Variants in NRROS observed in about 807,000 individuals in gnomAD.
NRROS encodes transforming growth factor beta activator LRRC33.
A neutral mutation model predicts 12.0 loss-of-function variants in NRROS; 6 were observed. The observed-to-expected ratio is 0.50, with a 90% CI of 0.27 to 0.98. The LOEUF (loss-of-function observed/expected upper bound fraction) is 0.98. Among genes scored for constraint, NRROS ranks in the 50% least tolerant of loss-of-function variants. The pLI is 0.11. For missense variants in NRROS, 857 were observed against 888.2 expected (o/e 0.96, Z 0.45); for synonymous variants, 462 against 410.2 (o/e 1.13, Z -1.53).
intron 1 of NRROS, among the ~76,000 whole-genome samples, chr3:196,646,650 C>T (rs1178149773): frequency 2.0e-5 from 3 of 152,202 alleles, no homozygotes; most frequent in Non-Finnish European, 4.4e-5. Flanking sequence ...AAAGCGGGCT[C>T]CTCACACTGG....
rs1737680012 is a variant in NRROS at position 196,661,512 on chromosome 3, C to T, written c.1869C>T (p.Leu623=). The change falls in exon 3 of 3, where the codon CTC becomes CTT. Residue 623 remains leucine (L), a synonymous_variant. Transcript: ENST00000328557. ...VADWAMVTCN[L]SSKIIRVTEL... is the part of the protein sequence containing the mutation. ...ACTGGGCCATGGTCACCTGCAACCTCTCCTCCAAGATCATCCGCGTGACGG... is the reference window on the plus strand; with the variant it reads ...ACTGGGCCATGGTCACCTGCAACCTTTCCTCCAAGATCATCCGCGTGACGG... 2 of 1,612,738 alleles carry T rather than the reference C, an allele frequency of 1.2e-6. No homozygotes were observed. The highest frequency in any genetic ancestry group is 1.7e-6 in the Non-Finnish European group (2 of 1,178,986).
chr3:196,646,165 G>C (rs1737307418), intron 1 of NRROS, among the ~76,000 whole-genome samples: 1 of 152,176 alleles, frequency 6.6e-6, no homozygotes, highest in Non-Finnish European at 1.5e-5. Context: ...GTCCTCCGTG[G>C]TCACCACCAG....
At chr3:196,646,857 T>C (rs923366893) in intron 1 of NRROS, among the ~76,000 whole-genome samples, 1 of 152,202 alleles carries the variant, frequency 6.6e-6, no homozygotes, top group Non-Finnish European at 1.5e-5. Flanking sequence ...CTGGGAACCA[T>C]GGCACTGCCT....
intron 1 of NRROS, among the ~76,000 whole-genome samples, chr3:196,652,051 G>C (rs1737439348): frequency 6.6e-6 from 1 of 152,204 alleles, no homozygotes; most frequent in Admixed American, 6.5e-5. Flanking sequence ...ACTGAGGAGG[G>C]CAGGGAAGGG....
intron 2 of NRROS, among the ~76,000 whole-genome samples, chr3:196,656,605 A>G (rs1737541731): frequency 6.6e-6 from 1 of 152,246 alleles, no homozygotes; most frequent in South Asian, 2.1e-4. Flanking sequence ...CACTCATATT[A>G]TTATTAATCT....
intron 1 of NRROS, among the ~76,000 whole-genome samples, chr3:196,652,225 A>C (rs1156722876): frequency 6.6e-6 from 1 of 152,158 alleles, no homozygotes; most frequent in Non-Finnish European, 1.5e-5. Flanking sequence ...CACATTACTC[A>C]GGCCTTTATT....
chr3:196,640,511 A>C (rs1737186321), intron 1 of NRROS, among the ~76,000 whole-genome samples: 1 of 152,126 alleles, frequency 6.6e-6, no homozygotes, highest in Non-Finnish European at 1.5e-5. Context: ...TGGGAGATTC[A>C]CTGGGGCTCT....
chr3:196,641,523 A>G (rs966773939), intron 1 of NRROS, among the ~76,000 whole-genome samples: 2 of 152,174 alleles, frequency 1.3e-5, no homozygotes, highest in Non-Finnish European at 2.9e-5. Flanking sequence ...CTTTCATGTA[A>G]TGAGTGCCCT....
chr3:196,644,747 T>C (rs1418001318), intron 1 of NRROS, among the ~76,000 whole-genome samples: 1 of 133,734 alleles, frequency 7.5e-6, no homozygotes, highest in Admixed American at 8.4e-5. Flanking sequence ...CACTCCAGTC[T>C]GGCGACAGAG....
chr3:196,660,049 A>G lies in NRROS; in HGVS notation c.406A>G (p.Arg136Gly). The G allele has an allele frequency of 1.2e-6, 2 of 1,613,338 alleles. No homozygotes were observed. Among genetic ancestry groups the G allele is most frequent in the Non-Finnish European group, 1.7e-6 (2 of 1,179,960 alleles). Residue 136 changes from arginine (R) to glycine (G), a missense_variant, in exon 3 of 3, where the codon AGG becomes GGG. Physicochemically the swap from Arg to Gly is moderately radical, Grantham distance 125. Coordinates refer to ENST00000328557, the MANE Select transcript of NRROS (RefSeq NM_198565.3). The surrounding 1 kb of genome is among the most constrained non-coding windows in gnomAD (Gnocchi z 7.7). ...AALHALPGLR[R>G]LDLSGNALTE... ...CCTCCACGCCCTGCCGGGCCTGCGG[A>G]GGCTGGACTTGTCAGGAAACGCCCT...
intron 1 of NRROS, among the ~76,000 whole-genome samples, chr3:196,652,636 A>G (rs1737450789): frequency 6.6e-6 from 1 of 152,138 alleles, no homozygotes; most frequent in Non-Finnish European, 1.5e-5. Flanking sequence ...GAAGGAGAGG[A>G]TATGTTTTAA....
At chr3:196,658,799 T>G (rs1225517919) in intron 2 of NRROS, among the ~76,000 whole-genome samples, 1 of 152,068 alleles carries the variant, frequency 6.6e-6, no homozygotes, top group Admixed American at 6.6e-5. Flanking sequence ...AAACCCCGTC[T>G]CTACTAAAAA....
intron 1 of NRROS, among the ~76,000 whole-genome samples, chr3:196,650,460 TAG>T (rs1484715093): frequency 6.6e-6 from 1 of 152,012 alleles, no homozygotes; most frequent in African/African-American, 2.4e-5. Flanking sequence ...GTATTTTTTT[TAG>T]AGAGGCAGGG....
At chr3:196,644,902 A>G (rs767081591) in intron 1 of NRROS, among the ~76,000 whole-genome samples, 1 of 152,012 alleles carries the variant, frequency 6.6e-6, no homozygotes, top group Non-Finnish European at 1.5e-5. Flanking sequence ...GTAGTGTGCT[A>G]CAATCCCATC....
At chr3:196,643,073 CAAAAA>C (rs10719005) in intron 1 of NRROS, among the ~76,000 whole-genome samples, 27 of 129,412 alleles carry the variant, frequency 2.1e-4, no homozygotes, top group African/African-American at 5.9e-4. Flanking sequence ...AATTCTGTCT[CAAAAA>C]AAAAAAAAAA....
chr3:196,657,707 C>CA (rs11403911), intron 2 of NRROS, among the ~76,000 whole-genome samples: 58,234 of 122,684 alleles, frequency 0.47, 12,918 homozygotes, highest in Admixed American at 0.57. Context: ...GACTCTGTCT[C>CA]AAAAAAAAAA....
intron 1 of NRROS, among the ~76,000 whole-genome samples, chr3:196,645,992 C>T (rs765007638): frequency 6.6e-6 from 1 of 152,280 alleles, no homozygotes; most frequent in African/African-American, 2.4e-5. Flanking sequence ...GTCTGTCCCC[C>T]TCCAGTGGGG....
Position 196,646,882 on chromosome 3 carries a change from C to T in NRROS, c.-14+7007C>T, listed in dbSNP as rs556689895. Among the ~76,000 whole-genome samples the T allele has an allele frequency of 1.1e-4, 17 of 152,300 alleles. No individual in the cohort carries two copies. In the South Asian group the frequency reaches 3.1e-3, roughly 28 times the overall value. ...TGGCACTGCCTTCGCCGAGCCGCCG[C>T]GTGCCTCTCTTTTCACCTCTCTGGC... On this transcript the variant is annotated intron_variant, in intron 1 of 2. Transcript: ENST00000328557.
intron 1 of NRROS, among the ~76,000 whole-genome samples, chr3:196,645,988 C>A (rs1423205940): frequency 6.6e-6 from 1 of 152,274 alleles, no homozygotes; most frequent in Admixed American, 6.5e-5. Flanking sequence ...AAGCGTCTGT[C>A]CCCCTCCAGT....
Sources: allele counts gnomAD v4.1 joint callset (sites outside exome capture counted in the v4.1 genomes callset), GRCh38; gene constraint gnomAD v4.1.1; non-coding constraint Gnocchi (gnomAD v3.1); transcripts MANE v1.5; gene names NCBI Gene and HGNC (gene_info 2026-07-23, HGNC 2026-07-21).